The following CDH13 variants were observed in gnomAD, a reference collection of about 807,000 sequenced individuals.
CDH13 encodes cadherin 13.
CDH13 carries 24 observed loss-of-function variants against 63.8 expected under a neutral mutation model. The observed-to-expected ratio is 0.38, with a 90% confidence interval of 0.27 to 0.53. The LOEUF is 0.53. Among genes scored for constraint, CDH13 ranks in the 20% least tolerant of loss-of-function variants. The pLI, the probability that CDH13 is intolerant of heterozygous loss-of-function variation, is 0.85. For missense variants in CDH13, 1,049 were observed against 903.1 expected (o/e 1.16, Z -2.07); for synonymous variants, 503 against 355.3 (o/e 1.42, Z -4.67).
intron 2 of CDH13, among the ~76,000 whole-genome samples, chr16:82,904,031 A>C (rs1286611761): frequency 6.6e-6 from 1 of 152,002 alleles, no homozygotes; most frequent in African/African-American, 2.4e-5. Context: ...TTTTTTTTCT[A>C]TTAAAATTAT....
chr16:83,437,430 C>T (rs533627830), intron 6 of CDH13, among the ~76,000 whole-genome samples: 1 of 152,098 alleles, frequency 6.6e-6, no homozygotes, highest in Non-Finnish European at 1.5e-5. Context: ...AATCTCAGCG[C>T]TTTGAGAGGT....
intron 8 of CDH13, among the ~76,000 whole-genome samples, chr16:83,629,916 C>T (rs1244029855): frequency 6.6e-6 from 1 of 152,210 alleles, no homozygotes; most frequent in Non-Finnish European, 1.5e-5. Context: ...GTAGATGGGA[C>T]AGTCTAGAAC....
intron 8 of CDH13, among the ~76,000 whole-genome samples, chr16:83,605,671 G>A (rs961800300): frequency 5.3e-5 from 8 of 152,132 alleles, no homozygotes; most frequent in African/African-American, 1.7e-4. Flanking sequence ...TGATGAGGAT[G>A]GTGGGAGGAA....
At chr16:82,674,435 G>A (rs1394493193) in intron 1 of CDH13, among the ~76,000 whole-genome samples, 2 of 152,216 alleles carry the variant, frequency 1.3e-5, no homozygotes, top group Non-Finnish European at 2.9e-5. Context: ...AGAAGTGTTA[G>A]CAATCCTCCA....
intron 1 of CDH13, among the ~76,000 whole-genome samples, chr16:82,697,124 T>C (rs1364859310): frequency 6.6e-6 from 1 of 152,362 alleles, no homozygotes; most frequent in East Asian, 1.9e-4. Flanking sequence ...AAATGCATAC[T>C]GAGTCCAGGT....
rs997258353 is a variant in CDH13, at chr16:82,662,633, T to C, written c.45+35496T>C. 3.9e-5 allele frequency among the ~76,000 whole-genome samples: 6 copies of C among 152,322 alleles called. No homozygotes were observed. In the East Asian group the frequency reaches 1.2e-3, roughly 29 times the overall value. On this transcript the variant is annotated intron_variant, in intron 1 of 13. Coordinates refer to ENST00000567109, the MANE Select transcript of CDH13 (RefSeq NM_001257.5). ...CTTTTCCTGAATGTCCTGAATGTTG[T>C]TGTAGGACAACAAATGCGCTTTATA...
intron 8 of CDH13, among the ~76,000 whole-genome samples, chr16:83,659,609 G>A (rs1462012030): frequency 1.3e-5 from 2 of 152,202 alleles, no homozygotes; most frequent in Non-Finnish European, 2.9e-5. Context: ...TCTGAAAGCA[G>A]GACCCCATAT....
chr16:83,350,010 A>C (rs958968322), intron 6 of CDH13, among the ~76,000 whole-genome samples: 1 of 152,196 alleles, frequency 6.6e-6, no homozygotes, highest in Non-Finnish European at 1.5e-5. Context: ...ATCTCAGCTA[A>C]GGGGCAGGTA....
At chr16:82,817,884 T>G (rs77492575) in intron 1 of CDH13, among the ~76,000 whole-genome samples, 3,399 of 152,294 alleles carry the variant, frequency 0.022, 120 homozygotes, top group African/African-American at 0.077. Flanking sequence ...CATATACATC[T>G]ATGTTTACAT....
chr16:83,033,673 T>C (rs1916588704), intron 3 of CDH13, among the ~76,000 whole-genome samples: 1 of 152,154 alleles, frequency 6.6e-6, no homozygotes, highest in South Asian at 2.1e-4. Flanking sequence ...TGCATACACT[T>C]TATAAGTGTC....
chr16:82,844,566 A>G (rs1284778078), intron 1 of CDH13: 6 of 148,184 alleles, frequency 4.0e-5, no homozygotes, highest in Non-Finnish European at 1.5e-5. Context: ...GCGCCACTGC[A>G]CTCCAGCCTG....
At chr16:82,748,682 T>A (rs777255290) in intron 1 of CDH13, among the ~76,000 whole-genome samples, 13 of 152,198 alleles carry the variant, frequency 8.5e-5, no homozygotes, top group Non-Finnish European at 1.8e-4. Flanking sequence ...AGCCTCACTG[T>A]GCTTGTCACA....
At chr16:82,871,693 A>G (rs1001383668) in intron 2 of CDH13, among the ~76,000 whole-genome samples, 1 of 152,172 alleles carries the variant, frequency 6.6e-6, no homozygotes, top group Non-Finnish European at 1.5e-5. Context: ...ATATAAAATT[A>G]TCAGCTCACA....
At chr16:83,107,821 T>C (rs2034849618) in intron 3 of CDH13, among the ~76,000 whole-genome samples, 1 of 152,028 alleles carries the variant, frequency 6.6e-6, no homozygotes, top group Admixed American at 6.6e-5. Context: ...TTCTTTTCCT[T>C]TTGCTTTTCT....
At chr16:83,252,004 G>A (rs918095898) in intron 5 of CDH13, among the ~76,000 whole-genome samples, 2 of 151,094 alleles carry the variant, frequency 1.3e-5, no homozygotes, top group Non-Finnish European at 2.9e-5. Context: ...ACTGATCCCC[G>A]GGATGCATTG....
intron 5 of CDH13, among the ~76,000 whole-genome samples, chr16:83,248,088 C>T (rs546305513): frequency 9.9e-5 from 15 of 152,186 alleles, no homozygotes; most frequent in African/African-American, 3.4e-4. Context: ...TCCTGATCAG[C>T]GGGGTGCTAA....
At chr16:83,606,044 G>T (rs1036909442) in intron 8 of CDH13, among the ~76,000 whole-genome samples, 1 of 152,182 alleles carries the variant, frequency 6.6e-6, no homozygotes, top group Admixed American at 6.5e-5. Flanking sequence ...ATATGGAAGA[G>T]GTAGGAAAAC....
chr16:83,308,241 C>G (rs1035753714), intron 5 of CDH13, among the ~76,000 whole-genome samples: 1 of 152,080 alleles, frequency 6.6e-6, no homozygotes, highest in African/African-American at 2.4e-5. Flanking sequence ...TTCATCTTTC[C>G]AAACATATAT....
chr16:83,365,540 C>T (rs1234664554), intron 6 of CDH13, among the ~76,000 whole-genome samples: 2 of 152,184 alleles, frequency 1.3e-5, no homozygotes, highest in African/African-American at 4.8e-5. Flanking sequence ...ATCTCCACCT[C>T]CTGGCATTAC....
Sources: gnomAD v4.1 joint callset for allele counts (sites outside exome capture counted in the v4.1 genomes callset) on GRCh38, gnomAD v4.1.1 for gene constraint, MANE v1.5 for transcripts, NCBI Gene and HGNC (gene_info 2026-07-23, HGNC 2026-07-21) for gene names.